FBXO25: variants seen among roughly 807,000 people sequenced by gnomAD.
FBXO25 encodes F-box protein 25.
A neutral mutation model predicts 51.9 loss-of-function variants in FBXO25; 45 were observed. The ratio of observed to expected loss-of-function variants is 0.87; its 90% CI spans 0.68 to 1.11. The LOEUF (loss-of-function observed/expected upper bound fraction) is 1.11. FBXO25 is among the 50% of genes most tolerant of loss of function. The probability of loss-of-function intolerance (pLI) is 0.00; values close to 1 mark genes in which losing one functional copy is unlikely to be tolerated. For missense variants in FBXO25, 507 were observed against 428.5 expected (o/e 1.18, Z -1.62); for synonymous variants, 199 against 151.0 (o/e 1.32, Z -2.33).
At chr8:414,964 TG>T (rs1392169645) in intron 2 of FBXO25, among the ~76,000 whole-genome samples, 3 of 152,206 alleles carry the variant, frequency 2.0e-5, no homozygotes, top group African/African-American at 7.2e-5. Context: ...TAGAGGCTGT[TG>T]GTGACCTGAA....
At chr8:428,413 T>G (rs923919763) in intron 2 of FBXO25, among the ~76,000 whole-genome samples, 1 of 152,180 alleles carries the variant, frequency 6.6e-6, no homozygotes, top group African/African-American at 2.4e-5. Flanking sequence ...CGTTCTATTC[T>G]TTGTTTTTAA....
intron 8 of FBXO25, among the ~76,000 whole-genome samples, chr8:461,369 G>A (rs1408813717): frequency 2.6e-5 from 4 of 152,182 alleles, no homozygotes; most frequent in Admixed American, 1.3e-4. Flanking sequence ...TGGCTGGGGA[G>A]GCCTCACAAT....
chr8:415,189 AG>A (rs1190511341), intron 2 of FBXO25, among the ~76,000 whole-genome samples: 1 of 152,250 alleles, frequency 6.6e-6, no homozygotes, highest in Non-Finnish European at 1.5e-5. Context: ...AAAGAACTAT[AG>A]TAAAAATAAT....
chr8:468,814 C>A lies in FBXO25; in HGVS notation c.*10C>A. 6.2e-7 allele frequency: 1 copy of A among 1,612,856 alleles called. No individual in the cohort carries two copies. Among genetic ancestry groups the A allele is most frequent in the Non-Finnish European group, 8.5e-7 (1 of 1,179,244 alleles). On this transcript the variant is annotated 3_prime_UTR_variant, in exon 10 of 10. Coordinates refer to ENST00000350302, the MANE Select transcript of FBXO25 (RefSeq NM_183420.2). ...CCTCTTCAAGTTTTAAGGGCTGCCCCTGCCATCCCTATTGGAGATTGTGAA... is the reference window on the plus strand; with the variant it reads ...CCTCTTCAAGTTTTAAGGGCTGCCCATGCCATCCCTATTGGAGATTGTGAA...
intron 4 of FBXO25, among the ~76,000 whole-genome samples, chr8:433,327 G>C (rs1187679242): frequency 6.6e-6 from 1 of 152,138 alleles, no homozygotes; most frequent in African/African-American, 2.4e-5. Flanking sequence ...GTACATATCT[G>C]AGTCTACAGC....
At chr8:421,072 A>G (rs1797125391) in intron 2 of FBXO25, among the ~76,000 whole-genome samples, 1 of 152,244 alleles carries the variant, frequency 6.6e-6, no homozygotes, top group Non-Finnish European at 1.5e-5. Context: ...GCCACAGAGC[A>G]GGAGGTGAGC....
intron 2 of FBXO25, among the ~76,000 whole-genome samples, chr8:415,030 T>A (rs531448107): frequency 1.3e-5 from 2 of 152,350 alleles, no homozygotes; most frequent in East Asian, 3.9e-4. Context: ...CATTTAACTT[T>A]GAACCTAAAA....
At chr8:448,918 C>A (rs1171367845) in intron 5 of FBXO25, among the ~76,000 whole-genome samples, 1 of 152,118 alleles carries the variant, frequency 6.6e-6, no homozygotes, top group Non-Finnish European at 1.5e-5. Context: ...CCAAAAGTAA[C>A]CCCTAGTACA....
At chr8:431,611 C>A (rs184042762) in intron 3 of FBXO25, among the ~76,000 whole-genome samples, 167 bp downstream of exon 3, 1 of 152,298 alleles carries the variant, frequency 6.6e-6, no homozygotes, top group African/African-American at 2.4e-5. Flanking sequence ...GCAGCTCAAC[C>A]GTTTCAGTGG....
At chr8:437,903 A>C (rs991220366) in intron 5 of FBXO25, among the ~76,000 whole-genome samples, 6 of 152,154 alleles carry the variant, frequency 3.9e-5, no homozygotes, top group Non-Finnish European at 8.8e-5. Flanking sequence ...AATTTAGTCT[A>C]AGTTGTCCAT....
intron 7 of FBXO25, among the ~76,000 whole-genome samples, chr8:455,612 C>A (rs1437120082): frequency 6.6e-6 from 1 of 152,170 alleles, no homozygotes; most frequent in Non-Finnish European, 1.5e-5. Context: ...ATGATAATAG[C>A]AACACAAGTT....
At chr8:428,817 T>TAAGA (rs1363289998) in intron 2 of FBXO25, among the ~76,000 whole-genome samples, 5 of 152,210 alleles carry the variant, frequency 3.3e-5, no homozygotes, top group African/African-American at 1.2e-4. Context: ...GTGACTGTCT[T>TAAGA]ATCTCAGCGT....
Position 472,147 on chromosome 8 carries a change from A to G in FBXO25, c.*3343A>G, listed in dbSNP as rs1324394409. ...AGTGAACATCCTTGTCTTGTTCCTCATCTTAGGGGAAAGCTTTCAGTCTCA... is the reference window on the plus strand; with the variant it reads ...AGTGAACATCCTTGTCTTGTTCCTCGTCTTAGGGGAAAGCTTTCAGTCTCA... On this transcript the variant is annotated 3_prime_UTR_variant, in exon 10 of 10. Transcript: ENST00000350302. 6.6e-6 allele frequency: 1 copy of G among 152,200 alleles called. No homozygotes were observed. 9.4% of individuals were successfully genotyped at this position (152,200 alleles called of 1,614,324 possible). A position where few individuals can be genotyped will look rare whatever the true frequency, so the allele number is the denominator to read the frequency against.
At chr8:440,135 C>G (rs1798338197) in intron 5 of FBXO25, among the ~76,000 whole-genome samples, 1 of 152,214 alleles carries the variant, frequency 6.6e-6, no homozygotes, top group Non-Finnish European at 1.5e-5. Flanking sequence ...TGCAGCCACA[C>G]AGCCGTTGTT....
intron 2 of FBXO25, among the ~76,000 whole-genome samples, chr8:424,928 GA>G (rs1212780597): frequency 6.6e-6 from 1 of 151,958 alleles, no homozygotes; most frequent in Non-Finnish European, 1.5e-5. Context: ...TTAGCTCTAA[GA>G]AAAAAACTTG....
intron 3 of FBXO25, 121 bp downstream of exon 3, chr8:431,565 C>G: frequency 1.9e-6 from 1 of 527,908 alleles, no homozygotes; most frequent in South Asian, 3.1e-5. Flanking sequence ...AGCCCAGTAT[C>G]CAGCATTGCC....
intron 5 of FBXO25, among the ~76,000 whole-genome samples, chr8:441,347 C>T (rs929616582): frequency 2.0e-5 from 3 of 152,170 alleles, no homozygotes; most frequent in African/African-American, 7.2e-5. Context: ...CTTCCTTACA[C>T]CTTTATACAA....
At position 416,247 on chromosome 8, in the gene FBXO25, A is replaced by G. The variant is rs180782085; in HGVS notation, c.134+3034A>G. ...TCCTCTTTGTGTTATCAATATTTCA[A>G]ACTCCTTCACTCTACTCTGATGTTC... On this transcript the variant is annotated intron_variant, in intron 2 of 9. Transcript: ENST00000350302. Among the ~76,000 whole-genome samples the G allele has an allele frequency of 2.7e-3, 410 of 152,066 alleles. 2 individuals carry two copies. The highest frequency in any genetic ancestry group is 9.4e-3 in the African/African-American group (388 of 41,480).
At chr8:436,223 A>G (rs1223151780) in intron 5 of FBXO25, among the ~76,000 whole-genome samples, 3 of 152,188 alleles carry the variant, frequency 2.0e-5, no homozygotes, top group Non-Finnish European at 2.9e-5. Context: ...GCCACACTCA[A>G]AAAGAAAGGA....
Sources: gnomAD v4.1 joint callset for allele counts (sites outside exome capture counted in the v4.1 genomes callset) on GRCh38, gnomAD v4.1.1 for gene constraint, MANE v1.5 for transcripts, NCBI Gene and HGNC (gene_info 2026-07-23, HGNC 2026-07-21) for gene names.